The following FLNA variants were observed in gnomAD, a reference collection of about 807,000 sequenced individuals.
FLNA encodes filamin-A.
A neutral mutation model predicts 157.6 loss-of-function variants in FLNA; 7 were observed. The observed-to-expected ratio is 0.04, with a 90% CI of 0.03 to 0.08. The LOEUF (loss-of-function observed/expected upper bound fraction) is 0.08, where lower values mean the gene tolerates loss of function less well. FLNA is among the 10% of genes least tolerant of loss of function. FLNA has a pLI of 1.00. For missense variants in FLNA, 1,750 were observed against 2,398.4 expected, an observed-to-expected ratio of 0.73 and a Z score of 5.65; for synonymous variants, 1,103 against 1,060.8, an observed-to-expected ratio of 1.04 and a Z score of -0.77.
At chrX:154,374,339 A>G (rs1455554457) in intron 1 of FLNA, among the ~76,000 whole-genome samples, 167 bp downstream of exon 1, 1 of 112,522 alleles carries the variant, frequency 8.9e-6, no homozygotes, top group African/African-American at 3.2e-5. Flanking sequence ...CCCAGATGCC[A>G]GGGGAGCCTC....
rs1307963198 is a variant in FLNA at position 154,352,029 on chromosome X, A to G, written c.6770-8T>C. The G allele has an allele frequency of 1.2e-5, 14 of 1,210,298 alleles. No individual in the cohort carries two copies. The highest frequency in any genetic ancestry group is 1.6e-5 in the Non-Finnish European group (14 of 895,358). On this transcript the variant is annotated splice_region_variant and splice_polypyrimidine_tract_variant and intron_variant, in intron 41 of 47. Transcript: ENST00000369850. ...TCCAGATACTGAATTCGGCTGTGGG[A>G]GAACAGTTTGTCCTCACTGAAGGCT...
rs1557177579 is a variant in FLNA at position 154,359,723 on chromosome X, A to G, written c.3979+9T>C. ...CGTCTGCCAGCCTGTGGGAGTCCCC[A>G]GCACGCACCCTCCTCGTAAGGCGTG... On this transcript the variant is annotated intron_variant, in intron 23 of 47. Transcript: ENST00000369850. 2 of 1,208,613 alleles carry G rather than the reference A, an allele frequency of 1.7e-6. No homozygotes were observed. Among genetic ancestry groups the G allele is most frequent in the South Asian group, 3.5e-5 (2 of 56,832 alleles).
intron 21 of FLNA, 101 bp from the exon 22 acceptor site, chrX:154,360,688 C>T (rs1307731119): frequency 2.6e-6 from 2 of 777,349 alleles, no homozygotes; most frequent in Non-Finnish European, 3.7e-6. Flanking sequence ...GCTTCCTGCC[C>T]TCACCAAACA....
rs782228432 is a variant in FLNA, at chrX:154,364,968, G to A, written c.1692-11C>T. The A allele has an allele frequency of 2.2e-5, 27 of 1,211,076 alleles. No individual in the cohort carries two copies. In the Middle Eastern group the frequency reaches 9.2e-4, roughly 41 times the overall value. On this transcript the variant is annotated splice_polypyrimidine_tract_variant and intron_variant, in intron 11 of 47. Coordinates refer to ENST00000369850, the MANE Select transcript of FLNA (RefSeq NM_001110556.2). The stretch of plus-strand genomic sequence containing the variant: ...TTCACTTCGAAGGGACTGCAAATGC[G>A]AGAGCCACACAGGGAACACCGAGGA...
In FLNA at chrX:154,351,916, G is replaced by A. The variant is rs1557175878; in HGVS notation, c.6875C>T (p.Ser2292Phe). Residue 2292 changes from serine to phenylalanine, a missense_variant, in exon 42 of 48, where the codon TCC becomes TTC. Physicochemically the swap from Ser to Phe is radical, Grantham distance 155. Transcript: ENST00000369850. ...CTGGACCACATAAGCCACACCACAG[G>A]AGCCGTCCTTGCGGTCCTCAAAAGA... Reference protein sequence around the residue: ...EISFEDRKDGSCGVAYVVQEP... With the variant: ...EISFEDRKDGFCGVAYVVQEP... 1 of 1,211,699 alleles carries A rather than the reference G, an allele frequency of 8.3e-7. No homozygotes were observed. Among genetic ancestry groups the A allele is most frequent in the East Asian group, 3.0e-5 (1 of 33,848 alleles).
intron 44 of FLNA, 130 bp downstream of exon 44, chrX:154,350,779 T>C: frequency 2.7e-6 from 2 of 742,952 alleles, no homozygotes; most frequent in South Asian, 4.5e-5. Context: ...TGGGAAAGGG[T>C]TGCCTGGCTT....
chrX:154,358,235 C>T lies in FLNA; in HGVS notation c.4719G>A (p.Lys1573=). ...CAGCCAGCAGGCCCTCCCCGGCGTC[C>T]TTTGCATCGATGGTGAACTCCACGG... The part of the protein sequence containing the change: ...SLPVEFTIDA[K]DAGEGLLAVQ... Residue 1573 remains lysine, a synonymous_variant, in exon 28 of 48, where the codon AAG becomes AAA. Coordinates refer to ENST00000369850, the MANE Select transcript of FLNA (RefSeq NM_001110556.2). 8.3e-7 allele frequency: 1 copy of T among 1,211,164 alleles called. No individual in the cohort carries two copies. The highest frequency in any genetic ancestry group is 1.1e-6 in the Non-Finnish European group (1 of 895,459).
intron 14 of FLNA, 29 bp from the exon 15 acceptor site, chrX:154,364,194 G>A (rs782565089): frequency 2.4e-4 from 292 of 1,208,822 alleles, no homozygotes; most frequent in Non-Finnish European, 3.1e-4. Context: ...CAGGTGGCCT[G>A]CTGGTCAGTG....
At position 154,353,711 on chromosome X, in the gene FLNA, G is replaced by T; in HGVS notation, c.5703C>A (p.Ala1901=). The change falls in exon 36 of 48, where the codon GCC becomes GCA. Residue 1901 remains alanine (A), a synonymous_variant. Transcript: ENST00000369850. ...KDAGEGGLSL[A]IEGPSKAEIS... ...TTTCTGCTTTGGACGGGCCCTCAAT[G>T]GCCAGAGACAGGCCCCCTGGAGAGA... is the stretch of plus-strand genomic sequence containing the variant. 1 of 1,210,525 alleles carries T rather than the reference G, an allele frequency of 8.3e-7. No individual in the cohort carries two copies. The highest frequency in any genetic ancestry group is 1.7e-5 in the African/African-American group (1 of 57,999).
In FLNA at chrX:154,351,924, C is replaced by T; in HGVS notation, c.6867G>A (p.Lys2289=). 5 of 1,211,821 alleles carry T rather than the reference C, an allele frequency of 4.1e-6. No homozygotes were observed. Among genetic ancestry groups the T allele is most frequent in the Non-Finnish European group, 5.6e-6 (5 of 895,490 alleles). Residue 2289 remains lysine (K), a synonymous_variant, in exon 42 of 48, where the codon AAG becomes AAA. Transcript: ENST00000369850. Reference sequence around the variant, plus strand: ...CATAAGCCACACCACAGGAGCCGTCCTTGCGGTCCTCAAAAGAGATCTCAG... The same window carrying T: ...CATAAGCCACACCACAGGAGCCGTCTTTGCGGTCCTCAAAAGAGATCTCAG... ...SKAEISFEDR[K]DGSCGVAYVV...
chrX:154,349,708 G>A lies in FLNA; in HGVS notation c.7493C>T (p.Ser2498Phe). The change falls in exon 46 of 48, where the codon TCC becomes TTC. Residue 2498 changes from serine to phenylalanine, a missense_variant. Ser to Phe is a radical substitution (Grantham distance 155, BLOSUM62 -2). Transcript: ENST00000369850. ...GTGGTAGGGGCCGCCGTACTTGATG[G>A]AGATGAGGTAGCTGCCAGGTGCCAT... The part of the protein sequence containing the change: ...TPMAPGSYLI[S>F]IKYGGPYHIG... 1 of 1,212,093 alleles carries A rather than the reference G, an allele frequency of 8.3e-7. No homozygotes were observed. Among genetic ancestry groups the A allele is most frequent in the Non-Finnish European group, 1.1e-6 (1 of 895,587 alleles).
intron 1 of FLNA, among the ~76,000 whole-genome samples, chrX:154,372,982 G>A (rs1301505943): frequency 2.7e-5 from 3 of 111,455 alleles, no homozygotes; most frequent in South Asian, 3.7e-4. Context: ...GTGTTAGGGG[G>A]TGCAAATGGC....
At chrX:154,361,817 T>A in intron 19 of FLNA, 30 bp from the exon 20 acceptor site, 1 of 1,136,601 alleles carries the variant, frequency 8.8e-7, no homozygotes, top group Non-Finnish European at 1.2e-6. Flanking sequence ...GAAGGGGGTA[T>A]TTAGAGACAC....
intron 2 of FLNA, among the ~76,000 whole-genome samples, chrX:154,370,475 G>A (rs929946314): frequency 8.9e-6 from 1 of 112,561 alleles, no homozygotes; most frequent in Admixed American, 9.2e-5. Context: ...AAGGCCAGAG[G>A]GCCCTCTCTA....
At chrX:154,361,603 T>A (rs1557178059) in intron 20 of FLNA, 33 bp from the exon 21 acceptor site, 1 of 1,210,908 alleles carries the variant, frequency 8.3e-7, no homozygotes, top group Non-Finnish European at 1.1e-6. Flanking sequence ...GAGAGAGACA[T>A]GACACCCAGC....
In FLNA at chrX:154,360,027, G is replaced by A. The variant is rs782528841; in HGVS notation, c.3768C>T (p.Ser1256=). 8 of 1,208,556 alleles carry A rather than the reference G, an allele frequency of 6.6e-6. No homozygotes were observed. The highest frequency in any genetic ancestry group is 5.9e-5 in the East Asian group (2 of 33,764). The change falls in exon 22 of 48, where the codon TCC becomes TCT. Residue 1256 remains serine (S), a synonymous_variant. Transcript: ENST00000369850. The part of the protein sequence containing the change: ...KLQVEPAVDT[S]GVQCYGPGIE... ...TACCAGGCCCATAGCACTGGACACC[G>A]GAAGTGTCCACCGCAGGTTCCACCT...
At chrX:154,365,048 T>G (rs2067746026) in intron 11 of FLNA, 88 bp downstream of exon 11, 1 of 1,202,248 alleles carries the variant, frequency 8.3e-7, no homozygotes, top group Admixed American at 2.2e-5. Flanking sequence ...GAAGAGCCCA[T>G]GTGGCCCCTC....
chrX:154,369,344 G>A (rs1182316013), intron 2 of FLNA, among the ~76,000 whole-genome samples: 2 of 112,410 alleles, frequency 1.8e-5, no homozygotes, highest in African/African-American at 6.5e-5. Flanking sequence ...CCCCACCCCA[G>A]TCCAGCCTCA....
At chrX:154,351,115 C>T (rs782541459) in intron 43 of FLNA, 74 bp from the exon 44 acceptor site, 1 of 1,123,642 alleles carries the variant, frequency 8.9e-7, no homozygotes, top group East Asian at 3.0e-5. Context: ...GCCCCAGGAG[C>T]AAGAGGCCCG....
Sources: gnomAD v4.1 joint callset for allele counts (sites outside exome capture counted in the v4.1 genomes callset) on GRCh38, gnomAD v4.1.1 for gene constraint, MANE v1.5 for transcripts, NCBI Gene and HGNC (gene_info 2026-07-23, HGNC 2026-07-21) for gene names.